Variants in PAMR1 observed in about 807,000 individuals in gnomAD.
The protein encoded by PAMR1 is peptidase domain containing associated with muscle regeneration 1.
Under a neutral mutation model 81.8 loss-of-function variants are expected in PAMR1, and 88 were observed. That is an observed-to-expected ratio of 1.08 (90% CI 0.91 to 1.28). PAMR1 has a LOEUF of 1.28. PAMR1 is among the 50% of genes most tolerant of loss of function. The pLI is 0.00. For missense variants in PAMR1, 935 were observed against 919.7 expected (o/e 1.02, Z -0.21); for synonymous variants, 336 against 345.3 (o/e 0.97, Z 0.30).
chr11:35,523,684 T>G (rs1565365794), intron 1 of PAMR1, among the ~76,000 whole-genome samples: 1 of 152,228 alleles, frequency 6.6e-6, no homozygotes, highest in South Asian at 2.1e-4. Flanking sequence ...GGGAGTGGAC[T>G]TCCTTCACTC....
At chr11:35,524,683 T>C (rs550951576) in intron 1 of PAMR1, among the ~76,000 whole-genome samples, 3 of 152,260 alleles carry the variant, frequency 2.0e-5, no homozygotes, top group South Asian at 2.1e-4. Context: ...CCCTGGGCCA[T>C]AGAAGGACAG....
chr11:35,463,805 G>A (rs1228042046), intron 6 of PAMR1, among the ~76,000 whole-genome samples: 2 of 152,292 alleles, frequency 1.3e-5, no homozygotes, highest in East Asian at 1.9e-4. Context: ...CCCATCGGAG[G>A]CTCTCACACC....
At chr11:35,502,166 T>A (rs1407817120) in intron 1 of PAMR1, among the ~76,000 whole-genome samples, 1 of 152,162 alleles carries the variant, frequency 6.6e-6, no homozygotes, top group Non-Finnish European at 1.5e-5. Context: ...TTTCTCTGCA[T>A]TTTTTTCATA....
chr11:35,496,418 TA>T (rs1421866207), intron 1 of PAMR1, among the ~76,000 whole-genome samples: 1 of 152,114 alleles, frequency 6.6e-6, no homozygotes, highest in Non-Finnish European at 1.5e-5. Flanking sequence ...AACTCAACCA[TA>T]AAAAAGACAA....
chr11:35,529,798 G>A (rs966053978), upstream of PAMR1: 2 of 152,206 alleles, frequency 1.3e-5, no homozygotes, highest in African/African-American at 2.4e-5. Flanking sequence ...GGGAGATAGG[G>A]CATGATACCT....
rs1855966454 is a variant in PAMR1, at chr11:35,433,784, A to C, written c.1626+728T>G. ...GATGGATGGATAGACGGATGGATGG[A>C]TCGATGGCTGGATGGATGGATAGAT... is the stretch of plus-strand genomic sequence containing the variant. On this transcript the variant is annotated intron_variant, in intron 10 of 10. Transcript: ENST00000619888. Among the ~76,000 whole-genome samples, 4 of 151,280 alleles carry C rather than the reference A, an allele frequency of 2.6e-5. No individual in the cohort carries two copies. In the South Asian group the frequency reaches 8.4e-4, roughly 32 times the overall value.
chr11:35,492,187 A>G lies in PAMR1; in HGVS notation c.251-14T>C. On this transcript the variant is annotated splice_polypyrimidine_tract_variant and intron_variant, in intron 2 of 10. Coordinates refer to ENST00000619888, the MANE Select transcript of PAMR1 (RefSeq NM_001001991.3). ...AGATGGTACAACCTGAAACATTCCC[A>G]AGAAGAGGAGTGTTAGGCCAAAGCA... The G allele has an allele frequency of 6.2e-7, 1 of 1,613,878 alleles. No homozygotes were observed. The highest frequency in any genetic ancestry group is 2.2e-5 in the East Asian group (1 of 44,882).
At chr11:35,477,266 G>A (rs1469113303) in intron 3 of PAMR1, among the ~76,000 whole-genome samples, 2 of 152,162 alleles carry the variant, frequency 1.3e-5, no homozygotes, top group Non-Finnish European at 2.9e-5. Flanking sequence ...TATAACAGGT[G>A]CTCACTGCAT....
intron 4 of PAMR1, among the ~76,000 whole-genome samples, chr11:35,473,784 T>C (rs1362637971): frequency 6.6e-6 from 1 of 152,168 alleles, no homozygotes; most frequent in African/African-American, 2.4e-5. Flanking sequence ...TGAAAGCCTG[T>C]GCCCTAGAGG....
intron 6 of PAMR1, among the ~76,000 whole-genome samples, chr11:35,451,151 G>A (rs1856410347): frequency 6.6e-6 from 1 of 152,220 alleles, no homozygotes; most frequent in Non-Finnish European, 1.5e-5. Context: ...GGAAGGAAGT[G>A]CTTTCATGGT....
chr11:35,503,052 A>G (rs1205478179), intron 1 of PAMR1, among the ~76,000 whole-genome samples: 1 of 152,162 alleles, frequency 6.6e-6, no homozygotes, highest in Non-Finnish European at 1.5e-5. Flanking sequence ...ACTTCTGCAT[A>G]TACATATCCT....
intron 5 of PAMR1, among the ~76,000 whole-genome samples, chr11:35,468,510 G>A (rs927996370): frequency 1.1e-4 from 17 of 152,290 alleles, no homozygotes; most frequent in African/African-American, 3.6e-4. Flanking sequence ...GGGTACTGGG[G>A]CAATGCAACT....
chr11:35,439,718 C>T (rs370488301), intron 7 of PAMR1, 25 bp from the exon 8 acceptor site: 18 of 1,589,680 alleles, frequency 1.1e-5, no homozygotes, highest in African/African-American at 2.7e-5. Flanking sequence ...GACAATGCTG[C>T]ATGATCCTTT....
intron 6 of PAMR1, among the ~76,000 whole-genome samples, chr11:35,444,292 G>GT (rs1193226840): frequency 6.6e-6 from 1 of 152,094 alleles, no homozygotes; most frequent in East Asian, 1.9e-4. Flanking sequence ...CATTCTGTAG[G>GT]TTGTATGTTC....
At chr11:35,514,708 C>T (rs1851131760) in intron 1 of PAMR1, among the ~76,000 whole-genome samples, 1 of 152,120 alleles carries the variant, frequency 6.6e-6, no homozygotes, top group Non-Finnish European at 1.5e-5. Flanking sequence ...ATTTGGCGGC[C>T]AGGTGTGATG....
Position 35,494,217 on chromosome 11 carries a change from C to G in PAMR1, c.129G>C (p.Arg43=). 6.2e-7 allele frequency: 1 copy of G among 1,614,148 alleles called. No individual in the cohort carries two copies. Among genetic ancestry groups the G allele is most frequent in the South Asian group, 1.1e-5 (1 of 91,082 alleles). ...CAATCTGATCATATTCACAGCACTC[C>G]CGACACATGATATTCCACTCTGCTC... The part of the protein sequence containing the change: ...CPGAEWNIMC[R]ECCEYDQIEC... The change falls in exon 2 of 11, where the codon CGG becomes CGC. Residue 43 remains arginine, a synonymous_variant. Coordinates refer to ENST00000619888, the MANE Select transcript of PAMR1 (RefSeq NM_001001991.3).
At chr11:35,461,002 A>C (rs1856642759) in intron 6 of PAMR1, among the ~76,000 whole-genome samples, 1 of 152,194 alleles carries the variant, frequency 6.6e-6, no homozygotes, top group Non-Finnish European at 1.5e-5. Context: ...AATGATCGCC[A>C]TTCTAACTGG....
At chr11:35,465,054 AGTGTCGTG>A (rs1275326859) in intron 6 of PAMR1, among the ~76,000 whole-genome samples, 1 of 152,210 alleles carries the variant, frequency 6.6e-6, no homozygotes, top group Non-Finnish European at 1.5e-5. Flanking sequence ...ACATACAGCA[AGTGTCGTG>A]TCTGAGAGAT....
In PAMR1 at chr11:35,496,662, T is replaced by C. The variant is rs569733875; in HGVS notation, c.74-2390A>G. The stretch of plus-strand genomic sequence containing the variant: ...AATTGGAACCCTTGTATATTGCTGA[T>C]AGAAATGTGAAATGGTGCAGCCCCT... On this transcript the variant is annotated intron_variant, in intron 1 of 10. Transcript: ENST00000619888. Among the ~76,000 whole-genome samples the C allele has an allele frequency of 3.3e-5, 5 of 152,336 alleles. No individual in the cohort carries two copies. In the South Asian group the frequency reaches 8.3e-4, roughly 25 times the overall value.
Sources: allele counts gnomAD v4.1 joint callset (sites outside exome capture counted in the v4.1 genomes callset), GRCh38; gene constraint gnomAD v4.1.1; transcripts MANE v1.5; gene names NCBI Gene and HGNC (gene_info 2026-07-23, HGNC 2026-07-21).